CAMK2B: variants seen among roughly 807,000 people sequenced by gnomAD.
CAMK2B encodes calcium/calmodulin-dependent protein kinase type II subunit beta.
Under a neutral mutation model 93.7 loss-of-function variants are expected in CAMK2B, and 27 were observed. The ratio of observed to expected loss-of-function variants is 0.29; its 90% confidence interval spans 0.21 to 0.40. The LOEUF (loss-of-function observed/expected upper bound fraction) is 0.40. Ranked by LOEUF, CAMK2B falls within the 10% of genes least tolerant of loss-of-function variation. The pLI, the probability that CAMK2B is intolerant of heterozygous loss-of-function variation, is 1.00. For synonymous variants in CAMK2B, 374 were observed against 358.8 expected (o/e 1.04, Z -0.48); for missense variants, 568 against 895.8 (o/e 0.63, Z 4.67).
rs755043561 is a variant in CAMK2B, at chr7:44,242,354, C to T, written c.697-14G>A. 2.5e-6 allele frequency: 4 copies of T among 1,610,444 alleles called. No homozygotes were observed. Among genetic ancestry groups the T allele is most frequent in the South Asian group, 1.1e-5 (1 of 90,690 alleles). ...AGGGGACGGGAACTGCAGAAGGAAA[C>T]AGCGCCCCGGCCGGGCCTGAAGCTC... On this transcript the variant is annotated splice_polypyrimidine_tract_variant and intron_variant, in intron 9 of 23. Transcript: ENST00000395749.
intron 1 of CAMK2B, among the ~76,000 whole-genome samples, chr7:44,323,136 C>A (rs1399435025): frequency 6.6e-6 from 1 of 152,248 alleles, no homozygotes. Context: ...CCTTCCCTAC[C>A]CAAGAGCCGC....
chr7:44,280,412 G>A (rs1584542083), intron 2 of CAMK2B, among the ~76,000 whole-genome samples: 1 of 152,182 alleles, frequency 6.6e-6, no homozygotes, highest in South Asian at 2.1e-4. Context: ...ATGGCCCTGG[G>A]AAGTGCATGT....
rs1256031060 is a variant in CAMK2B, at chr7:44,224,871, C to T, written c.1597+1645G>A. ...GGAAAGGAGGCAGAAAGCTGGCCAC[C>T]TGCCACCTGGGCCCAGGTGCCCCCA... is the stretch of plus-strand genomic sequence containing the variant. On this transcript the variant is annotated intron_variant, in intron 20 of 23. Transcript: ENST00000395749. This position sits in a 1 kb window ranked among gnomAD's most constrained non-coding sequence, Gnocchi z 4.4. Among the ~76,000 whole-genome samples, 1 of 152,038 alleles carries T rather than the reference C, an allele frequency of 6.6e-6. No individual in the cohort carries two copies. The highest frequency in any genetic ancestry group is 1.5e-5 in the Non-Finnish European group (1 of 67,968).
chr7:44,260,049 A>G (rs996722232), intron 3 of CAMK2B, among the ~76,000 whole-genome samples: 1 of 152,130 alleles, frequency 6.6e-6, no homozygotes, highest in African/African-American at 2.4e-5. Flanking sequence ...CACCAGCCTT[A>G]TTCCCTCCAG....
intron 13 of CAMK2B, among the ~76,000 whole-genome samples, chr7:44,238,276 A>G (rs910031840): frequency 1.4e-4 from 22 of 152,184 alleles, no homozygotes; most frequent in Non-Finnish European, 4.4e-5. Context: ...GGAGCCACAC[A>G]TGCAGGGCCT....
intron 2 of CAMK2B, among the ~76,000 whole-genome samples, chr7:44,276,487 G>T (rs986670245): frequency 2.0e-5 from 3 of 152,174 alleles, no homozygotes; most frequent in African/African-American, 4.8e-5. Context: ...CTGGGGAAAG[G>T]GGGGGCGTGC....
chr7:44,286,635 C>T lies in CAMK2B; in HGVS notation c.66-2410G>A, dbSNP rs1785209762. On this transcript the variant is annotated intron_variant, in intron 1 of 23. Transcript: ENST00000395749. The surrounding 1 kb of genome is among the most constrained non-coding windows in gnomAD (Gnocchi z 4.0). ...AGAGCCTGACCGCAGGTGGGTGGGA[C>T]AAGGGCTTCCTCCAGTTGATCCCTC... is the stretch of plus-strand genomic sequence containing the variant. Among the ~76,000 whole-genome samples the T allele has an allele frequency of 6.6e-6, 1 of 152,204 alleles. No homozygotes were observed. The highest frequency in any genetic ancestry group is 2.4e-5 in the African/African-American group (1 of 41,448).
intron 4 of CAMK2B, among the ~76,000 whole-genome samples, chr7:44,257,648 G>A: frequency 6.6e-6 from 1 of 152,280 alleles, no homozygotes; most frequent in East Asian, 1.9e-4. Context: ...GCCTCAGCCA[G>A]GCAGTGGCAA....
At chr7:44,257,498 G>A (rs1454738057) in intron 4 of CAMK2B, among the ~76,000 whole-genome samples, 1 of 152,230 alleles carries the variant, frequency 6.6e-6, no homozygotes, top group East Asian at 1.9e-4. Context: ...TGGCCACCAA[G>A]GGCCCTGGAT....
chr7:44,257,030 G>A (rs2096839870), intron 4 of CAMK2B, among the ~76,000 whole-genome samples: 1 of 152,208 alleles, frequency 6.6e-6, no homozygotes, highest in African/African-American at 2.4e-5. Context: ...TTCAGCCATG[G>A]CGCCTATGGG....
chr7:44,244,298 G>T (rs533151597), intron 6 of CAMK2B, among the ~76,000 whole-genome samples: 1 of 152,148 alleles, frequency 6.6e-6, no homozygotes, highest in Admixed American at 6.5e-5. Flanking sequence ...TTGCAGCAGC[G>T]GCCAAGGAGG....
At chr7:44,239,461 G>T in intron 13 of CAMK2B, 128 bp downstream of exon 13, 1 of 759,734 alleles carries the variant, frequency 1.3e-6, no homozygotes, top group Non-Finnish European at 2.2e-6. Context: ...GGGAGCAGGG[G>T]CTCCCGGGGG....
intron 4 of CAMK2B, among the ~76,000 whole-genome samples, chr7:44,258,317 GCTCA>G (rs963351090): frequency 2.6e-5 from 4 of 152,102 alleles, no homozygotes; most frequent in African/African-American, 9.7e-5. Flanking sequence ...ACCTCCACAC[GCTCA>G]CTCATACATT....
At chr7:44,236,989 G>A (rs899838671) in intron 13 of CAMK2B, among the ~76,000 whole-genome samples, 1 of 152,224 alleles carries the variant, frequency 6.6e-6, no homozygotes, top group African/African-American at 2.4e-5. Context: ...ATTTCAAAAA[G>A]CTGTGGCCAA....
intron 2 of CAMK2B, among the ~76,000 whole-genome samples, chr7:44,279,004 C>T (rs560740272): frequency 6.6e-6 from 1 of 152,334 alleles, no homozygotes; most frequent in African/African-American, 2.4e-5. Flanking sequence ...GGGCAGACAA[C>T]CCAATTGTGC....
chr7:44,282,460 C>A (rs185024287), intron 2 of CAMK2B, among the ~76,000 whole-genome samples: 25 of 152,316 alleles, frequency 1.6e-4, no homozygotes, highest in Non-Finnish European at 2.8e-4. Context: ...CCTCAGTGTC[C>A]CTGCTGAACC....
chr7:44,310,047 C>T (rs755613580), intron 1 of CAMK2B, among the ~76,000 whole-genome samples: 151 of 152,368 alleles, frequency 9.9e-4, no homozygotes, highest in Non-Finnish European at 9.6e-4. Flanking sequence ...AAGCCACGCG[C>T]GGAACCGCAC....
intron 1 of CAMK2B, among the ~76,000 whole-genome samples, chr7:44,317,218 C>T (rs993521164): frequency 6.9e-6 from 1 of 144,596 alleles, no homozygotes; most frequent in Non-Finnish European, 1.5e-5. Context: ...ATGACTGTAA[C>T]TATTATCCTT....
At chr7:44,323,405 T>C (rs921370019) in intron 1 of CAMK2B, among the ~76,000 whole-genome samples, 2 of 152,226 alleles carry the variant, frequency 1.3e-5, no homozygotes, top group African/African-American at 4.8e-5. Flanking sequence ...CCAGCAGTCT[T>C]AGCCCCACCT....
Sources: gnomAD v4.1 joint callset for allele counts (sites outside exome capture counted in the v4.1 genomes callset) on GRCh38, gnomAD v4.1.1 for gene constraint, Gnocchi (gnomAD v3.1) non-coding constraint, MANE v1.5 for transcripts, NCBI Gene and HGNC (gene_info 2026-07-23, HGNC 2026-07-21) for gene names.